Variants in EXOC4 observed in about 807,000 individuals in gnomAD.
The protein encoded by EXOC4 is exocyst complex component 4, also known as SEC8-like 1.
Under a neutral mutation model 107.2 loss-of-function variants are expected in EXOC4, and 71 were observed. That is an observed-to-expected ratio of 0.66 (90% CI 0.55 to 0.81). EXOC4 has a LOEUF of 0.81. Ranked by LOEUF, EXOC4 falls within the 30% of genes least tolerant of loss-of-function variation. EXOC4 has a pLI of 0.00. For synonymous variants in EXOC4, 456 were observed against 441.2 expected, an observed-to-expected ratio of 1.03 and a Z score of -0.42; for missense variants, 1,108 against 1,189.6, an observed-to-expected ratio of 0.93 and a Z score of 1.01.
intron 5 of EXOC4, among the ~76,000 whole-genome samples, chr7:133,324,985 G>C (rs1795203851): frequency 6.6e-6 from 1 of 152,044 alleles, no homozygotes; most frequent in African/African-American, 2.4e-5. Flanking sequence ...TGTCTCTTTT[G>C]ATCTTTGTTG....
At chr7:133,777,325 A>G (rs1028670420) in intron 10 of EXOC4, among the ~76,000 whole-genome samples, 2 of 151,130 alleles carry the variant, frequency 1.3e-5, no homozygotes, top group Admixed American at 6.6e-5. Flanking sequence ...GAGAGAGAAT[A>G]TATATATATA....
chr7:133,666,871 ATC>A (rs770660255), intron 10 of EXOC4, among the ~76,000 whole-genome samples: 3 of 152,172 alleles, frequency 2.0e-5, no homozygotes, highest in Non-Finnish European at 4.4e-5. Flanking sequence ...GATAAGTATC[ATC>A]TCTCTGTCTC....
At chr7:133,983,290 G>C (rs1794038359) in intron 14 of EXOC4, among the ~76,000 whole-genome samples, 1 of 152,142 alleles carries the variant, frequency 6.6e-6, no homozygotes, top group Admixed American at 6.6e-5. Context: ...TTCAACATGA[G>C]GTTTAGAGAG....
intron 10 of EXOC4, among the ~76,000 whole-genome samples, chr7:133,680,739 A>G (rs1191098692): frequency 6.6e-6 from 1 of 152,224 alleles, no homozygotes; most frequent in African/African-American, 2.4e-5. Flanking sequence ...CCCTAATCAC[A>G]GAAGTCTTTT....
intron 11 of EXOC4, among the ~76,000 whole-genome samples, chr7:133,845,778 T>A (rs533823022): frequency 6.6e-6 from 1 of 152,132 alleles, no homozygotes; most frequent in Non-Finnish European, 1.5e-5. Context: ...AGATTACAGG[T>A]TTATTTTATA....
intron 5 of EXOC4, 43 bp downstream of exon 5, chr7:133,317,433 T>C (rs771917951): frequency 1.5e-6 from 2 of 1,363,260 alleles, no homozygotes; most frequent in Non-Finnish European, 2.1e-6. Context: ...TTAGTATGTC[T>C]TAGTTCCTAG....
At chr7:133,495,644 A>T (rs2150880282) in intron 9 of EXOC4, among the ~76,000 whole-genome samples, 1 of 152,302 alleles carries the variant, frequency 6.6e-6, no homozygotes, top group Middle Eastern at 3.4e-3. Flanking sequence ...TGGCACATTC[A>T]TTCTTGTGGA....
chr7:134,057,245 G>A (rs1363077909), intron 17 of EXOC4, among the ~76,000 whole-genome samples: 1 of 152,110 alleles, frequency 6.6e-6, no homozygotes, highest in Admixed American at 6.5e-5. Context: ...TTTACCTCTT[G>A]AATGATTTTC....
At chr7:133,515,311 A>T (rs936914872) in intron 9 of EXOC4, among the ~76,000 whole-genome samples, 2 of 150,274 alleles carry the variant, frequency 1.3e-5, no homozygotes, top group Non-Finnish European at 3.0e-5. Context: ...AGATTACTCC[A>T]ATCAGTAGCC....
intron 9 of EXOC4, among the ~76,000 whole-genome samples, chr7:133,582,893 C>T (rs1034618633): frequency 6.6e-6 from 1 of 152,138 alleles, no homozygotes; most frequent in African/African-American, 2.4e-5. Flanking sequence ...TGAAAAGTTG[C>T]ATTCTTTGCA....
chr7:134,083,413 ACTTAGTAG>A, the EXOC4 span, among the ~76,000 whole-genome samples: 1 of 152,208 alleles, frequency 6.6e-6, no homozygotes, highest in Non-Finnish European at 1.5e-5. Context: ...CTAATCCAAG[ACTTAGTAG>A]CTTAAAACAG....
chr7:133,847,911 G>C (rs181941369), intron 11 of EXOC4, among the ~76,000 whole-genome samples: 1,519 of 74,220 alleles, frequency 0.02, 15 homozygotes, highest in Non-Finnish European at 0.029. Context: ...TGTATTTTTA[G>C]TAGAGACACA....
At chr7:133,842,138 G>T (rs1335265257) in intron 11 of EXOC4, among the ~76,000 whole-genome samples, 1 of 152,184 alleles carries the variant, frequency 6.6e-6, no homozygotes, top group Non-Finnish European at 1.5e-5. Flanking sequence ...CTTTATGTTA[G>T]AATGATTTAT....
chr7:133,299,726 G>A (rs541477231), intron 3 of EXOC4, among the ~76,000 whole-genome samples: 2 of 152,018 alleles, frequency 1.3e-5, no homozygotes, highest in Admixed American at 6.5e-5. Context: ...TATCTTGCAG[G>A]CCCCCCTCCC....
At chr7:133,474,979 A>G (rs1798976449) in intron 7 of EXOC4, among the ~76,000 whole-genome samples, 1 of 152,132 alleles carries the variant, frequency 6.6e-6, no homozygotes, top group Non-Finnish European at 1.5e-5. Flanking sequence ...CATTGCTGCT[A>G]ATGCTGCTGT....
At chr7:133,537,314 C>T (rs1304265329) in intron 9 of EXOC4, among the ~76,000 whole-genome samples, 3 of 144,356 alleles carry the variant, frequency 2.1e-5, no homozygotes, top group Non-Finnish European at 4.5e-5. Context: ...CCCCACCACA[C>T]CTGACTAATT....
At chr7:133,825,301 G>A (rs1325432171) in intron 11 of EXOC4, among the ~76,000 whole-genome samples, 2 of 152,062 alleles carry the variant, frequency 1.3e-5, no homozygotes, top group Non-Finnish European at 2.9e-5. Flanking sequence ...GGAGTTTCAG[G>A]TTGCAGTGAG....
chr7:133,992,003 A>G (rs1264052770), intron 14 of EXOC4, among the ~76,000 whole-genome samples: 5 of 152,086 alleles, frequency 3.3e-5, no homozygotes, highest in Non-Finnish European at 7.4e-5. Context: ...TGTCATTGGT[A>G]TTTTGATAGG....
intron 14 of EXOC4, among the ~76,000 whole-genome samples, chr7:133,971,334 GTA>G (rs1206467959): frequency 0.025 from 1,060 of 41,762 alleles, 12 homozygotes; most frequent in South Asian, 0.032. Flanking sequence ...GGGAAAATGT[GTA>G]TATATATATA....
Sources: gnomAD v4.1 joint callset for allele counts (sites outside exome capture counted in the v4.1 genomes callset) on GRCh38, gnomAD v4.1.1 for gene constraint, MANE v1.5 for transcripts, NCBI Gene and HGNC (gene_info 2026-07-23, HGNC 2026-07-21) for gene names.